Variants in PLPP3 observed in about 807,000 individuals in gnomAD.
PLPP3 encodes PAP2 beta.
Under a neutral mutation model 29.6 loss-of-function variants are expected in PLPP3, and 6 were observed. That is an observed-to-expected ratio of 0.20 (90% CI 0.11 to 0.40). The LOEUF (loss-of-function observed/expected upper bound fraction) is 0.40. Among genes scored for constraint, PLPP3 ranks in the 10% least tolerant of loss-of-function variants. The pLI is 1.00. For synonymous variants in PLPP3, 152 were observed against 159.7 expected (o/e 0.95, Z 0.36); for missense variants, 308 against 407.7 (o/e 0.76, Z 2.11).
At chr1:56,523,905 A>G (rs371706571) in intron 3 of PLPP3, 25 bp from the exon 4 acceptor site, 1 of 1,609,132 alleles carries the variant, frequency 6.2e-7, no homozygotes, top group African/African-American at 1.3e-5. Flanking sequence ...GAGGGCCATG[A>G]AAGGGCCGTA....
intron 5 of PLPP3, among the ~76,000 whole-genome samples, chr1:56,500,834 C>G (rs888289776): frequency 6.6e-6 from 1 of 151,642 alleles, no homozygotes; most frequent in Non-Finnish European, 1.5e-5. Context: ...GTGAAACCCC[C>G]TCTCTACAAA....
At chr1:56,518,504 C>T (rs558184759) in intron 4 of PLPP3, among the ~76,000 whole-genome samples, 37 of 152,150 alleles carry the variant, frequency 2.4e-4, no homozygotes, top group East Asian at 7.7e-4. Flanking sequence ...CTATCAAGTC[C>T]GTGATGAGGA....
intron 1 of PLPP3, among the ~76,000 whole-genome samples, chr1:56,558,297 C>T (rs1646098054): frequency 6.6e-6 from 1 of 152,216 alleles, no homozygotes; most frequent in Admixed American, 6.5e-5. Context: ...CATCTCCCAA[C>T]ACTGGAATGC....
chr1:56,552,033 A>G (rs114035700), intron 1 of PLPP3, among the ~76,000 whole-genome samples: 2,272 of 152,268 alleles, frequency 0.015, 56 homozygotes, highest in African/African-American at 0.052. Context: ...GACACAAGGT[A>G]TTACTGGCTG....
intron 2 of PLPP3, among the ~76,000 whole-genome samples, chr1:56,527,905 C>T (rs1461124708): frequency 2.6e-5 from 4 of 152,122 alleles, no homozygotes; most frequent in Admixed American, 6.6e-5. Context: ...TTACTGCTTT[C>T]GGACTTTATT....
Position 56,524,852 on chromosome 1 carries a change from G to C in PLPP3, c.298-298C>G, listed in dbSNP as rs1346891220. On this transcript the variant is annotated intron_variant, in intron 2 of 5. Coordinates refer to ENST00000371250, the MANE Select transcript of PLPP3 (RefSeq NM_003713.5). This position sits in a 1 kb window ranked among gnomAD's most constrained non-coding sequence, Gnocchi z 4.3. ...TGTGTGTATCTTTTTTTTTAAGGGA[G>C]AGACAAGAACTTAACTATAGAAAAG... 6.6e-6 allele frequency among the ~76,000 whole-genome samples: 1 copy of C among 151,690 alleles called. No individual in the cohort carries two copies. The highest frequency in any genetic ancestry group is 2.4e-5 in the African/African-American group (1 of 41,236).
At chr1:56,514,529 T>G (rs891903577) in intron 4 of PLPP3, among the ~76,000 whole-genome samples, 4 of 152,138 alleles carry the variant, frequency 2.6e-5, no homozygotes, top group African/African-American at 9.7e-5. Flanking sequence ...AGGCCAGTCT[T>G]TCCCAAACCA....
chr1:56,516,714 G>A (rs1645783459), intron 4 of PLPP3, among the ~76,000 whole-genome samples: 2 of 150,804 alleles, frequency 1.3e-5, no homozygotes, highest in South Asian at 4.2e-4. Context: ...CCTTTTCTCT[G>A]CTACGTACAG....
Position 56,579,048 on chromosome 1 carries a change from G to A in PLPP3, c.-32C>T, listed in dbSNP as rs752108249. On this transcript the variant is annotated 5_prime_UTR_variant, in exon 1 of 6. Transcript: ENST00000371250. The stretch of plus-strand genomic sequence containing the variant: ...GGCTGCGGCGCGAGCCTCCCGCCCC[G>A]CGAAGACGTCCCGCAACAGCAGCCA... 28 of 1,574,520 alleles carry A rather than the reference G, an allele frequency of 1.8e-5. No homozygotes were observed. The highest frequency in any genetic ancestry group is 3.5e-5 in the Admixed American group (2 of 56,406).
At chr1:56,576,271 AAT>A (rs1569620309) in intron 1 of PLPP3, among the ~76,000 whole-genome samples, 2 of 152,288 alleles carry the variant, frequency 1.3e-5, no homozygotes, top group East Asian at 3.9e-4. Context: ...CTCTCTTCTT[AAT>A]ATATTAGTGC....
Position 56,524,160 on chromosome 1 carries a change from A to G in PLPP3, c.575+117T>C. The G allele has an allele frequency of 7.9e-7, 1 of 1,264,850 alleles. No individual in the cohort carries two copies. The highest frequency in any genetic ancestry group is 2.4e-5 in the East Asian group (1 of 42,478). The allele number at this position is 1,264,850 out of a possible 1,614,324, so 78.4% of individuals were successfully genotyped here. ...CAATCATCTGACTGTGAGTTCCTCA[A>G]GAATAGGAACTATGCCTTATTCACC... On this transcript the variant is annotated intron_variant, in intron 3 of 5. Transcript: ENST00000371250. The surrounding 1 kb of genome is among the most constrained non-coding windows in gnomAD (Gnocchi z 4.3).
chr1:56,510,075 A>G (rs1645729971), intron 5 of PLPP3, among the ~76,000 whole-genome samples: 1 of 152,142 alleles, frequency 6.6e-6, no homozygotes, highest in Non-Finnish European at 1.5e-5. Context: ...GAAGGCTAGT[A>G]AGGATCCCCC....
In PLPP3 at chr1:56,537,084, T is replaced by C. The variant is rs756324540; in HGVS notation, c.168A>G (p.Thr56=). 6.2e-7 allele frequency: 1 copy of C among 1,613,190 alleles called. No homozygotes were observed. Among genetic ancestry groups the C allele is most frequent in the Non-Finnish European group, 8.5e-7 (1 of 1,179,708 alleles). ...MAGLPFLIIE[T]STIKPYHRGF... The stretch of plus-strand genomic sequence containing the variant: ...CTCGGTGGTAAGGCTTGATGGTGCT[T>C]GTCTCGATGATGAGGAAGGGGAGGC... Residue 56 remains threonine (T), a synonymous_variant, in exon 2 of 6, where the codon ACA becomes ACG. Coordinates refer to ENST00000371250, the MANE Select transcript of PLPP3 (RefSeq NM_003713.5).
At position 56,555,347 on chromosome 1, in the gene PLPP3, C is replaced by G. The variant is rs151175876; in HGVS notation, c.140-18235G>C. ...GTTACATTATCTCGTTATTGTTATACTGGTTCTGGCCTTCCCTAGTGCCTG... is the reference window on the plus strand; with the variant it reads ...GTTACATTATCTCGTTATTGTTATAGTGGTTCTGGCCTTCCCTAGTGCCTG... On this transcript the variant is annotated intron_variant, in intron 1 of 5. Transcript: ENST00000371250. Among the ~76,000 whole-genome samples the G allele has an allele frequency of 4.5e-3, 642 of 142,978 alleles. 10 individuals carry two copies. The highest frequency in any genetic ancestry group is 0.015 in the African/African-American group (599 of 38,940). 93.8% of individuals were successfully genotyped at this position (142,978 alleles called of 152,430 possible). A position where few individuals can be genotyped will look rare whatever the true frequency, so the allele number is the denominator to read the frequency against.
At chr1:56,540,039 T>C (rs1456655062) in intron 1 of PLPP3, among the ~76,000 whole-genome samples, 1 of 152,098 alleles carries the variant, frequency 6.6e-6, no homozygotes, top group Non-Finnish European at 1.5e-5. Flanking sequence ...AACATATGTT[T>C]CTATGGACAA....
At chr1:56,574,756 T>G (rs916129273) in intron 1 of PLPP3, among the ~76,000 whole-genome samples, 10 of 152,208 alleles carry the variant, frequency 6.6e-5, no homozygotes, top group Non-Finnish European at 1.3e-4. Context: ...CAACTTAAGC[T>G]AATTTTCAAC....
intron 1 of PLPP3, among the ~76,000 whole-genome samples, chr1:56,577,920 C>T (rs572935035): frequency 6.7e-6 from 1 of 148,896 alleles, no homozygotes; most frequent in African/African-American, 2.5e-5. Flanking sequence ...CACCATGATT[C>T]GCTTTAAAAA....
intron 1 of PLPP3, among the ~76,000 whole-genome samples, chr1:56,574,872 T>C (rs1379332548): frequency 6.6e-6 from 1 of 152,222 alleles, no homozygotes; most frequent in African/African-American, 2.4e-5. Flanking sequence ...CCTAGACTTA[T>C]AAAATTGTTA....
intron 1 of PLPP3, among the ~76,000 whole-genome samples, chr1:56,557,026 AAGAGAGAGAG>A (rs771132203): frequency 1.0e-4 from 1 of 9,530 alleles, no homozygotes; most frequent in African/African-American, 2.5e-4. Flanking sequence ...GAGAGAGAGA[AAGAGAGAGAG>A]AGAGAGAGAG....
Sources: gnomAD v4.1 joint callset for allele counts (sites outside exome capture counted in the v4.1 genomes callset) on GRCh38, gnomAD v4.1.1 for gene constraint, Gnocchi (gnomAD v3.1) non-coding constraint, MANE v1.5 for transcripts, NCBI Gene and HGNC (gene_info 2026-07-23, HGNC 2026-07-21) for gene names.